The following RGS7 variants were observed in gnomAD, a reference collection of about 807,000 sequenced individuals.
RGS7 encodes regulator of G-protein signaling 7.
RGS7 carries 27 observed loss-of-function variants against 81.1 expected under a neutral mutation model. The ratio of observed to expected loss-of-function variants is 0.33; its 90% confidence interval spans 0.25 to 0.46. RGS7 has a LOEUF of 0.46. Among genes scored for constraint, RGS7 ranks in the 20% least tolerant of loss-of-function variants. RGS7 has a pLI of 1.00. For missense variants in RGS7, 396 were observed against 607.4 expected (o/e 0.65, Z 3.66); for synonymous variants, 208 against 207.7 (o/e 1.00, Z -0.01).
At chr1:240,809,826 G>T (rs1339935911) in intron 14 of RGS7, among the ~76,000 whole-genome samples, 1 of 151,936 alleles carries the variant, frequency 6.6e-6, no homozygotes, top group Non-Finnish European at 1.5e-5. Context: ...ACATATGATA[G>T]GCAATATAGT....
chr1:240,841,489 A>G (rs1026557655), intron 9 of RGS7, among the ~76,000 whole-genome samples: 1 of 152,204 alleles, frequency 6.6e-6, no homozygotes, highest in Non-Finnish European at 1.5e-5. Context: ...AAAACCCCAT[A>G]TGAGAAAAAC....
At chr1:241,196,311 T>C (rs892892616) in intron 2 of RGS7, among the ~76,000 whole-genome samples, 1 of 151,884 alleles carries the variant, frequency 6.6e-6, no homozygotes, top group Non-Finnish European at 1.5e-5. Context: ...AAGAACTGAA[T>C]GCACCAGCAG....
At chr1:241,280,116 A>G (rs1209816378) in intron 2 of RGS7, among the ~76,000 whole-genome samples, 1 of 152,202 alleles carries the variant, frequency 6.6e-6, no homozygotes, top group Non-Finnish European at 1.5e-5. Context: ...TTGTATCATT[A>G]GTTGAGATAA....
intron 2 of RGS7, among the ~76,000 whole-genome samples, chr1:241,135,008 C>T (rs2067398934): frequency 3.9e-5 from 6 of 152,128 alleles, no homozygotes; most frequent in African/African-American, 9.7e-5. Context: ...CCGGGTACTA[C>T]GTAGCAGTCA....
At chr1:240,877,429 T>A (rs1665622185) in intron 6 of RGS7, among the ~76,000 whole-genome samples, 1 of 151,772 alleles carries the variant, frequency 6.6e-6, no homozygotes, top group African/African-American at 2.4e-5. Context: ...CATCTGCTAA[T>A]ACACATATGA....
intron 2 of RGS7, among the ~76,000 whole-genome samples, chr1:241,129,526 A>G (rs1211678815): frequency 1.3e-5 from 2 of 152,240 alleles, no homozygotes; most frequent in Non-Finnish European, 2.9e-5. Context: ...GCAAAAAAGC[A>G]TCGCCAGCAC....
At chr1:240,778,278 C>T (rs1402600346) in intron 18 of RGS7, among the ~76,000 whole-genome samples, 4 of 152,140 alleles carry the variant, frequency 2.6e-5, no homozygotes, top group African/African-American at 4.8e-5. Flanking sequence ...TGAACTTGAG[C>T]GGGAAGGGAT....
At chr1:240,923,767 A>G (rs2502445) in intron 6 of RGS7, among the ~76,000 whole-genome samples, 78,240 of 151,484 alleles carry the variant, frequency 0.52, 20,875 homozygotes, top group Middle Eastern at 0.64. Context: ...ATTTGAAAGC[A>G]CTGCAATGTT....
chr1:241,067,473 C>T (rs976357118), intron 3 of RGS7, among the ~76,000 whole-genome samples: 4 of 151,908 alleles, frequency 2.6e-5, no homozygotes, highest in African/African-American at 9.7e-5. Context: ...CACCTCTATA[C>T]TCAGCTAGTA....
chr1:241,191,243 G>A (rs567636202), intron 2 of RGS7, among the ~76,000 whole-genome samples: 34 of 152,268 alleles, frequency 2.2e-4, no homozygotes, highest in South Asian at 6.2e-4. Flanking sequence ...GCCTCCCAAA[G>A]GGAGGGATTA....
intron 6 of RGS7, among the ~76,000 whole-genome samples, chr1:240,912,783 T>G (rs1296526753): frequency 6.6e-6 from 1 of 152,106 alleles, no homozygotes; most frequent in Non-Finnish European, 1.5e-5. Context: ...TCTGTTTTCA[T>G]TAATGGAATT....
chr1:241,100,976 C>T (rs941747710), intron 2 of RGS7, among the ~76,000 whole-genome samples: 4 of 152,310 alleles, frequency 2.6e-5, no homozygotes, highest in Non-Finnish European at 5.9e-5. Flanking sequence ...GCCTGCAGGG[C>T]CCACTCTTTT....
Position 241,164,748 on chromosome 1 carries a change from C to G in RGS7, c.79-65986G>C, listed in dbSNP as rs201662979. Among the ~76,000 whole-genome samples, 1 of 152,162 alleles carries G rather than the reference C, an allele frequency of 6.6e-6. No homozygotes were observed. Among genetic ancestry groups the G allele is most frequent in the African/African-American group, 2.4e-5 (1 of 41,434 alleles). Reference sequence around the variant, plus strand: ...AAACACATCCCCTACTCAGATTCTGCGCATGGGCCACCGATTTGCAAGTGG... The same window carrying G: ...AAACACATCCCCTACTCAGATTCTGGGCATGGGCCACCGATTTGCAAGTGG... On this transcript the variant is annotated intron_variant, in intron 2 of 18. Transcript: ENST00000440928. This position sits in a 1 kb window ranked among gnomAD's most constrained non-coding sequence, Gnocchi z 4.1.
rs35939099 is a variant in RGS7 at position 241,299,935 on chromosome 1, C to CAAAAA, written c.78+55759_78+55763dup. On this transcript the variant is annotated intron_variant, in intron 2 of 18. Transcript: ENST00000440928. Reference sequence around the variant, plus strand: ...GTAACACACAGATACCTCGTTTCTCCAAAAAAAAAAAAAAAAAAAAAAAGT... The same window carrying CAAAAA: ...GTAACACACAGATACCTCGTTTCTCCAAAAAAAAAAAAAAAAAAAAAAAAAAAAGT... Among the ~76,000 whole-genome samples the CAAAAA allele has an allele frequency of 1.6e-4, 9 of 58,058 alleles. 1 individual carries two copies. Among genetic ancestry groups the CAAAAA allele is most frequent in the African/African-American group, 3.3e-4 (5 of 15,038 alleles). 38.1% of individuals were successfully genotyped at this position (58,058 alleles called of 152,430 possible).
At chr1:240,941,465 T>C (rs544370334) in intron 4 of RGS7, among the ~76,000 whole-genome samples, 1 of 152,252 alleles carries the variant, frequency 6.6e-6, no homozygotes, top group South Asian at 2.1e-4. Context: ...ATGGCAAAAG[T>C]AGCAAGTGAA....
intron 4 of RGS7, among the ~76,000 whole-genome samples, chr1:240,945,530 T>C (rs1410111924): frequency 1.3e-5 from 2 of 152,228 alleles, no homozygotes; most frequent in Non-Finnish European, 2.9e-5. Context: ...GAATAAGCAA[T>C]ATAGTCTTCT....
At chr1:241,261,614 G>A (rs1162183386) in intron 2 of RGS7, among the ~76,000 whole-genome samples, 1 of 144,102 alleles carries the variant, frequency 6.9e-6, no homozygotes, top group Non-Finnish European at 1.5e-5. Flanking sequence ...GGGCGACAGG[G>A]TGAGACTCTG....
chr1:240,795,643 C>A (rs1372586923), intron 18 of RGS7, among the ~76,000 whole-genome samples: 1 of 151,990 alleles, frequency 6.6e-6, no homozygotes, highest in African/African-American at 2.4e-5. Flanking sequence ...AATAAATAAG[C>A]AACAACCCAA....
At chr1:241,159,426 T>C (rs1263784996) in intron 2 of RGS7, among the ~76,000 whole-genome samples, 1 of 152,150 alleles carries the variant, frequency 6.6e-6, no homozygotes, top group African/African-American at 2.4e-5. Context: ...CACCTACTTA[T>C]CCTTCTAGAA....
Sources: allele counts gnomAD v4.1 joint callset (sites outside exome capture counted in the v4.1 genomes callset), GRCh38; gene constraint gnomAD v4.1.1; non-coding constraint Gnocchi (gnomAD v3.1); transcripts MANE v1.5; gene names NCBI Gene and HGNC (gene_info 2026-07-23, HGNC 2026-07-21).